Variants in TRAF7 observed in about 807,000 individuals in gnomAD.
TRAF7 encodes the protein TNF receptor associated factor 7.
Under a neutral mutation model 89.3 loss-of-function variants are expected in TRAF7, and 45 were observed. That is an observed-to-expected ratio of 0.50 (90% confidence interval 0.40 to 0.65). The LOEUF (loss-of-function observed/expected upper bound fraction) is 0.65, where lower values mean the gene tolerates loss of function less well. Among genes scored for constraint, TRAF7 ranks in the 30% least tolerant of loss-of-function variants. The pLI is 0.00. For synonymous variants in TRAF7, 406 were observed against 369.2 expected, an observed-to-expected ratio of 1.10 and a Z score of -1.14; for missense variants, 677 against 918.1, an observed-to-expected ratio of 0.74 and a Z score of 3.39.
In TRAF7 at chr16:2,168,199, G is replaced by A; in HGVS notation, c.231+31G>A. The A allele has an allele frequency of 6.4e-7, 1 of 1,570,784 alleles. No homozygotes were observed. On this transcript the variant is annotated intron_variant, in intron 4 of 20. Coordinates refer to ENST00000326181, the MANE Select transcript of TRAF7 (RefSeq NM_032271.3). This position sits in a 1 kb window ranked among gnomAD's most constrained non-coding sequence, Gnocchi z 4.1. ...TCCCTACCCCCAGGAGCCCGTGTGA[G>A]CCTCAGCCTCCCCCCATCCTCCCTC...
chr16:2,170,058 C>T (rs1302209902), intron 4 of TRAF7, among the ~76,000 whole-genome samples: 1 of 152,316 alleles, frequency 6.6e-6, no homozygotes, highest in East Asian at 1.9e-4. Flanking sequence ...GGCCCTCACT[C>T]CTGCCCTCGG....
Position 2,161,522 on chromosome 16 carries a change from G to T in TRAF7, c.-38-2361G>T, listed in dbSNP as rs1044300853. 1.4e-4 allele frequency among the ~76,000 whole-genome samples: 21 copies of T among 152,248 alleles called. No individual in the cohort carries two copies. The highest frequency in any genetic ancestry group is 4.3e-4 in the African/African-American group (18 of 41,524). On this transcript the variant is annotated intron_variant, in intron 1 of 20. Transcript: ENST00000326181. This position sits in a 1 kb window ranked among gnomAD's most constrained non-coding sequence, Gnocchi z 5.2. ...TGGGGTCCTGGCCACCTGGGCCCCC[G>T]GGCAGGCATCACTGGCAGGGCTTGC...
intron 2 of TRAF7, among the ~76,000 whole-genome samples, 179 bp downstream of exon 2, chr16:2,164,180 G>GCGCGCA (rs2093071115): frequency 2.3e-5 from 3 of 131,188 alleles, no homozygotes; most frequent in Non-Finnish European, 3.3e-5. Context: ...GCGCGCGCGC[G>GCGCGCA]CACGCGTGCG....
chr16:2,175,801 G>T (rs765748238), intron 17 of TRAF7, 33 bp from the exon 18 acceptor site: 47 of 1,610,176 alleles, frequency 2.9e-5, no homozygotes, highest in Middle Eastern at 1.6e-4. Context: ...GAAGCACCTG[G>T]CCTGGGACCA....
Position 2,176,679 on chromosome 16 carries a change from A to G in TRAF7, c.*105A>G, listed in dbSNP as rs986661519. 8.3e-6 allele frequency: 13 copies of G among 1,557,936 alleles called. No individual in the cohort carries two copies. The African/African-American group carries it at 1.5e-4, about 18-fold the overall frequency. On this transcript the variant is annotated 3_prime_UTR_variant, in exon 21 of 21. Coordinates refer to ENST00000326181, the MANE Select transcript of TRAF7 (RefSeq NM_032271.3). ...CGGGGTTTCTGCCTGCCCCGTGGGC[A>G]TAGGTGGACAGGCTCTGGCAGCCGG...
chr16:2,165,080 TG>T (rs1188137373), intron 2 of TRAF7, among the ~76,000 whole-genome samples: 2 of 123,404 alleles, frequency 1.6e-5, no homozygotes, highest in Non-Finnish European at 3.2e-5. Flanking sequence ...GAGTGCTGCA[TG>T]GCCTGGCCTG....
intron 2 of TRAF7, among the ~76,000 whole-genome samples, chr16:2,165,586 C>T (rs1186624098): frequency 7.3e-6 from 1 of 136,602 alleles, no homozygotes; most frequent in African/African-American, 2.9e-5. Context: ...CTGGCCTGGT[C>T]GCATGGTTAA....
Position 2,161,049 on chromosome 16 carries a change from G to A in TRAF7, c.-38-2834G>A, listed in dbSNP as rs1235688374. On this transcript the variant is annotated intron_variant, in intron 1 of 20. Transcript: ENST00000326181. This position sits in a 1 kb window ranked among gnomAD's most constrained non-coding sequence, Gnocchi z 5.2. ...GGTGCGGGGATGGATCCTGCCTTAG[G>A]GCGGGACACAAACGTTCCCTGGCCT... 1.3e-5 allele frequency among the ~76,000 whole-genome samples: 2 copies of A among 152,104 alleles called. No homozygotes were observed. The highest frequency in any genetic ancestry group is 2.9e-5 in the Non-Finnish European group (2 of 67,988).
chr16:2,176,717 C>T lies in TRAF7; in HGVS notation c.*143C>T. On this transcript the variant is annotated 3_prime_UTR_variant, in exon 21 of 21. Transcript: ENST00000326181. ...CTCTGGCAGCCGGGCAGTGCCCTCCCCGTCCCATGCTCGGCGAGCCTCCCT... is the reference window on the plus strand; with the variant it reads ...CTCTGGCAGCCGGGCAGTGCCCTCCTCGTCCCATGCTCGGCGAGCCTCCCT... The T allele has an allele frequency of 4.1e-6, 5 of 1,230,492 alleles. No individual in the cohort carries two copies. The highest frequency in any genetic ancestry group is 5.8e-6 in the Non-Finnish European group (5 of 858,758). The allele number at this position is 1,230,492 out of a possible 1,614,324, so 76.2% of individuals were successfully genotyped here.
intron 1 of TRAF7, among the ~76,000 whole-genome samples, chr16:2,160,542 G>A (rs1158065540): frequency 7.5e-6 from 1 of 132,850 alleles, no homozygotes; most frequent in African/African-American, 3.0e-5. Flanking sequence ...TCGGGCAGGC[G>A]GTGTGGATGG....
In TRAF7 at chr16:2,175,480, A is replaced by G. The variant is rs2141294458; in HGVS notation, c.1504-20A>G. ...GGCGTCCCTTGCCCGCCCAGCCCAC[A>G]GTTGCAGCAATCCCTGCAGGTCTGG... On this transcript the variant is annotated intron_variant, in intron 16 of 20. Transcript: ENST00000326181. 6.2e-7 allele frequency: 1 copy of G among 1,612,974 alleles called. No individual in the cohort carries two copies. The highest frequency in any genetic ancestry group is 8.5e-7 in the Non-Finnish European group (1 of 1,179,568).
intron 2 of TRAF7, 98 bp from the exon 3 acceptor site, chr16:2,165,781 C>G (rs1296659261): frequency 6.4e-6 from 9 of 1,408,814 alleles, no homozygotes; most frequent in Non-Finnish European, 8.0e-6. Context: ...GCTGCGTGGC[C>G]TGGCCTGGTC....
At position 2,162,507 on chromosome 16, in the gene TRAF7, C is replaced by T. The variant is rs2093061914; in HGVS notation, c.-38-1376C>T. Among the ~76,000 whole-genome samples, 1 of 152,128 alleles carries T rather than the reference C, an allele frequency of 6.6e-6. No individual in the cohort carries two copies. The highest frequency in any genetic ancestry group is 2.1e-4 in the South Asian group (1 of 4,834). On this transcript the variant is annotated intron_variant, in intron 1 of 20. Transcript: ENST00000326181. The surrounding 1 kb of genome is among the most constrained non-coding windows in gnomAD (Gnocchi z 5.0). Reference sequence around the variant, plus strand: ...TCAGTGATGCCCCCTGAGCTGTGCTCCTGCTGGGTGGGGGCAGAGACCAGC... The same window carrying T: ...TCAGTGATGCCCCCTGAGCTGTGCTTCTGCTGGGTGGGGGCAGAGACCAGC...
At chr16:2,157,822 C>T (rs2093041505) in intron 1 of TRAF7, among the ~76,000 whole-genome samples, 1 of 152,124 alleles carries the variant, frequency 6.6e-6, no homozygotes, top group Non-Finnish European at 1.5e-5. Context: ...AGGAATGTGA[C>T]TCTGGTCACA....
At chr16:2,173,439 G>T (rs763204070) in intron 10 of TRAF7, 40 bp downstream of exon 10, 7 of 1,612,508 alleles carry the variant, frequency 4.3e-6, no homozygotes, top group Middle Eastern at 1.6e-4. Flanking sequence ...CCTGGCCACT[G>T]CTCCGGGCAC....
At chr16:2,171,229 T>TGAGGGAAAGG in intron 5 of TRAF7, 35 bp from the exon 6 acceptor site, 1 of 1,519,378 alleles carries the variant, frequency 6.6e-7, no homozygotes, top group East Asian at 2.5e-5. Flanking sequence ...GAGGGTGGCC[T>TGAGGGAAAGG]CCCGCCATCG....
intron 14 of TRAF7, among the ~76,000 whole-genome samples, chr16:2,174,886 C>T (rs1035856802): frequency 9.2e-5 from 14 of 152,206 alleles, no homozygotes; most frequent in Admixed American, 2.6e-4. Flanking sequence ...CCTCCCAGCT[C>T]GCTGTCAAAT....
chr16:2,168,228 G>A lies in TRAF7; in HGVS notation c.231+60G>A. 1 of 1,448,128 alleles carries A rather than the reference G, an allele frequency of 6.9e-7. No homozygotes were observed. The highest frequency in any genetic ancestry group is 9.4e-7 in the Non-Finnish European group (1 of 1,059,470). The allele number at this position is 1,448,128 out of a possible 1,614,324, so 89.7% of individuals were successfully genotyped here. A position where few individuals can be genotyped will look rare whatever the true frequency, so the allele number is the denominator to read the frequency against. On this transcript the variant is annotated intron_variant, in intron 4 of 20. Transcript: ENST00000326181. This position sits in a 1 kb window ranked among gnomAD's most constrained non-coding sequence, Gnocchi z 4.1. ...CAGCCTCCCCCCATCCTCCCTCCTGGGGGAACCAGGTCCCAGGAGGAGTTG... is the reference window on the plus strand; with the variant it reads ...CAGCCTCCCCCCATCCTCCCTCCTGAGGGAACCAGGTCCCAGGAGGAGTTG...
At chr16:2,171,378 G>GC in intron 6 of TRAF7, 22 bp downstream of exon 6, 2 of 1,544,154 alleles carry the variant, frequency 1.3e-6, no homozygotes, top group Non-Finnish European at 1.8e-6. Context: ...GCCCTTCCCA[G>GC]CCCCCCTGCT....
Sources: allele counts gnomAD v4.1 joint callset (sites outside exome capture counted in the v4.1 genomes callset), GRCh38; gene constraint gnomAD v4.1.1; non-coding constraint Gnocchi (gnomAD v3.1); transcripts MANE v1.5; gene names NCBI Gene and HGNC (gene_info 2026-07-23, HGNC 2026-07-21).